ERMP1: variants seen among roughly 807,000 people sequenced by gnomAD.
ERMP1 encodes Felix-ina.
In ERMP1, 86 loss-of-function variants were observed where a neutral mutation model predicts 92.0. That is an observed-to-expected ratio of 0.93 (90% CI 0.79 to 1.12). The LOEUF (loss-of-function observed/expected upper bound fraction) is 1.12. ERMP1 is among the 50% of genes most tolerant of loss of function. ERMP1 has a pLI of 0.00. For synonymous variants in ERMP1, 530 were observed against 412.8 expected (o/e 1.28, Z -3.44); for missense variants, 1,342 against 1,116.3 (o/e 1.20, Z -2.88).
intron 2 of ERMP1, among the ~76,000 whole-genome samples, chr9:5,827,984 A>G (rs1168814439): frequency 6.6e-6 from 1 of 151,472 alleles, no homozygotes; most frequent in Non-Finnish European, 1.5e-5. Flanking sequence ...CCTCATAAAT[A>G]AATGAATAAG....
intron 1 of ERMP1, chr9:5,832,369 G>A (rs13302037): frequency 0.018 from 5,958 of 326,292 alleles, 71 homozygotes; most frequent in Non-Finnish European, 0.022. Flanking sequence ...AGGTAAAAAG[G>A]GGAAGCTGTT....
intron 8 of ERMP1, among the ~76,000 whole-genome samples, chr9:5,809,313 C>A (rs1040738697): frequency 6.6e-6 from 1 of 152,240 alleles, no homozygotes; most frequent in Non-Finnish European, 1.5e-5. Context: ...AGCCACCGCG[C>A]CCGGCCAGCC....
chr9:5,810,285 A>T, intron 7 of ERMP1, 54 bp from the exon 8 acceptor site: 1 of 1,348,242 alleles, frequency 7.4e-7, no homozygotes, highest in Non-Finnish European at 1.1e-6. Flanking sequence ...AATCAGTTAT[A>T]TAACCAGTCA....
In ERMP1 at chr9:5,787,233, A is replaced by C. The variant is rs1827979337; in HGVS notation, c.2626T>G (p.Ser876Ala). 6.2e-7 allele frequency: 1 copy of C among 1,614,062 alleles called. No individual in the cohort carries two copies. Among genetic ancestry groups the C allele is most frequent in the East Asian group, 2.2e-5 (1 of 44,872 alleles). The change falls in exon 15 of 15, where the codon TCC becomes GCC. Residue 876 changes from serine (S) to alanine (A), a missense_variant. Coordinates refer to ENST00000339450, the MANE Select transcript of ERMP1 (RefSeq NM_024896.3). Reference sequence around the variant, plus strand: ...TCCTTCAGAGCATCCAGTTGAGGGGATCTCTTGTCTTCCCCAGACAGATAG... The same window carrying C: ...TCCTTCAGAGCATCCAGTTGAGGGGCTCTCTTGTCTTCCCCAGACAGATAG... Reference protein sequence around the residue: ...AHYLSGEDKRSPQLDALKEKF... With the variant: ...AHYLSGEDKRAPQLDALKEKF...
chr9:5,822,544 G>A (rs974740111), intron 4 of ERMP1, among the ~76,000 whole-genome samples: 6 of 152,134 alleles, frequency 3.9e-5, no homozygotes, highest in Non-Finnish European at 7.3e-5. Flanking sequence ...ACTTAGCATA[G>A]TTTCATAATT....
intron 2 of ERMP1, among the ~76,000 whole-genome samples, chr9:5,826,155 A>T (rs181121903): frequency 9.8e-5 from 15 of 152,356 alleles, no homozygotes; most frequent in Admixed American, 9.8e-4. Flanking sequence ...CAGACTGCTG[A>T]AGCTGGGAGA....
chr9:5,810,979 T>G, intron 7 of ERMP1, 132 bp downstream of exon 7: 3 of 582,116 alleles, frequency 5.2e-6, no homozygotes, highest in South Asian at 5.9e-5. Context: ...ATTTAAAAAT[T>G]TCTTACAATA....
At position 5,787,227 on chromosome 9, in the gene ERMP1, G is replaced by A. The variant is rs1461321776; in HGVS notation, c.2632C>T (p.Gln878Ter). Residue 878 changes from glutamine (Q) to a stop codon, truncating the protein, a stop_gained, in exon 15 of 15, where the codon CAA becomes TAA. Transcript: ENST00000339450. LOFTEE classifies it high-confidence loss of function. Reference sequence around the variant, plus strand: ...AACTTTTCCTTCAGAGCATCCAGTTGAGGGGATCTCTTGTCTTCCCCAGAC... The same window carrying A: ...AACTTTTCCTTCAGAGCATCCAGTTAAGGGGATCTCTTGTCTTCCCCAGAC... Reference protein sequence around the residue: ...YLSGEDKRSPQLDALKEKFPD... With the variant: ...YLSGEDKRSP The A allele has an allele frequency of 1.9e-6, 3 of 1,613,986 alleles. No individual in the cohort carries two copies. Among genetic ancestry groups the A allele is most frequent in the Non-Finnish European group, 2.5e-6 (3 of 1,179,976 alleles).
At chr9:5,829,536 A>G (rs1479897798) in intron 2 of ERMP1, among the ~76,000 whole-genome samples, 1 of 152,232 alleles carries the variant, frequency 6.6e-6, no homozygotes, top group Non-Finnish European at 1.5e-5. Flanking sequence ...GTACTATTTT[A>G]GCGTTTTACT....
intron 6 of ERMP1, among the ~76,000 whole-genome samples, chr9:5,852,437 G>C (rs1049691434): frequency 6.6e-6 from 1 of 151,706 alleles, no homozygotes; most frequent in East Asian, 1.9e-4. Context: ...TGTATATTTT[G>C]TAGAGATGGT....
intron 13 of ERMP1, among the ~76,000 whole-genome samples, chr9:5,797,203 ATTT>A (rs920487475): frequency 6.9e-6 from 1 of 145,212 alleles, no homozygotes; most frequent in Non-Finnish European, 1.5e-5. Flanking sequence ...TGCCCAGCTA[ATTT>A]TTTTTTTTTT....
At chr9:5,793,434 C>T (rs1360351411) in intron 13 of ERMP1, among the ~76,000 whole-genome samples, 3 of 152,046 alleles carry the variant, frequency 2.0e-5, no homozygotes, top group Non-Finnish European at 4.4e-5. Context: ...AATATGGTAG[C>T]TATTAATTCA....
chr9:5,853,359 G>A (rs1368878703), intron 6 of ERMP1, among the ~76,000 whole-genome samples: 4 of 152,154 alleles, frequency 2.6e-5, no homozygotes, highest in Non-Finnish European at 5.9e-5. Context: ...GGCATACTTT[G>A]GGGTGGTATA....
At chr9:5,788,577 CTT>C (rs539934818) in intron 13 of ERMP1, among the ~76,000 whole-genome samples, 267 of 152,190 alleles carry the variant, frequency 1.8e-3, no homozygotes, top group African/African-American at 6.1e-3. Context: ...TCTGGACTTT[CTT>C]ACACTGACAG....
At chr9:5,845,819 C>T (rs2129744739) in intron 6 of ERMP1, among the ~76,000 whole-genome samples, 1 of 152,246 alleles carries the variant, frequency 6.6e-6, no homozygotes, top group African/African-American at 2.4e-5. Flanking sequence ...ACTCAGTAGG[C>T]CTGAGGAGTA....
At chr9:5,860,388 G>A (rs1247078104) in intron 5 of ERMP1, among the ~76,000 whole-genome samples, 3 of 152,062 alleles carry the variant, frequency 2.0e-5, no homozygotes, top group African/African-American at 7.2e-5. Flanking sequence ...AGCAAGCACA[G>A]TGAGGGCAGG....
At chr9:5,861,197 G>GTGTA (rs1554630220) in intron 5 of ERMP1, among the ~76,000 whole-genome samples, 42 of 148,736 alleles carry the variant, frequency 2.8e-4, no homozygotes, top group African/African-American at 1.1e-3. Flanking sequence ...GTGTGTGTGT[G>GTGTA]TGTGTGTGTG....
upstream of ERMP1, chr9:5,833,219 G>A (rs1050612935): frequency 1.1e-5 from 6 of 522,698 alleles, no homozygotes; most frequent in South Asian, 6.4e-5. Flanking sequence ...GCACACAGCT[G>A]CAGGGCCGAC....
At chr9:5,804,602 TCTTC>T (rs1391883457) in intron 10 of ERMP1, among the ~76,000 whole-genome samples, 3 of 152,194 alleles carry the variant, frequency 2.0e-5, no homozygotes, top group Non-Finnish European at 4.4e-5. Context: ...TCAGATTTAG[TCTTC>T]CTTCACTAGC....
Sources: allele counts gnomAD v4.1 joint callset (sites outside exome capture counted in the v4.1 genomes callset), GRCh38; gene constraint gnomAD v4.1.1; transcripts MANE v1.5; gene names NCBI Gene and HGNC (gene_info 2026-07-23, HGNC 2026-07-21).